EXOC6B: variants seen among roughly 807,000 people sequenced by gnomAD.
EXOC6B encodes exocyst complex component 6B.
In EXOC6B, 54 loss-of-function variants were observed where a neutral mutation model predicts 113.5. The observed-to-expected ratio is 0.48, with a 90% CI of 0.38 to 0.60. The LOEUF (loss-of-function observed/expected upper bound fraction) is 0.60. EXOC6B is among the 20% of genes least tolerant of loss of function. The pLI is 0.00. For synonymous variants in EXOC6B, 357 were observed against 339.0 expected (o/e 1.05, Z -0.58); for missense variants, 797 against 977.5 (o/e 0.82, Z 2.46).
At chr2:72,323,057 T>C (rs1687924680) in intron 20 of EXOC6B, among the ~76,000 whole-genome samples, 1 of 152,064 alleles carries the variant, frequency 6.6e-6, no homozygotes, top group African/African-American at 2.4e-5. Flanking sequence ...ACAGACAACC[T>C]ACAGAATGGG....
intron 20 of EXOC6B, among the ~76,000 whole-genome samples, chr2:72,304,865 G>A (rs1026243787): frequency 6.6e-6 from 1 of 152,188 alleles, no homozygotes; most frequent in Non-Finnish European, 1.5e-5. Context: ...TAAGATTGGG[G>A]CTAGGTTATT....
intron 6 of EXOC6B, among the ~76,000 whole-genome samples, chr2:72,648,093 A>G (rs1228610489): frequency 6.6e-6 from 1 of 152,212 alleles, no homozygotes; most frequent in African/African-American, 2.4e-5. Flanking sequence ...GAAAAAAGCA[A>G]ATAATCCCAT....
At chr2:72,468,547 G>A (rs1349958968) in intron 17 of EXOC6B, among the ~76,000 whole-genome samples, 6 of 152,090 alleles carry the variant, frequency 3.9e-5, no homozygotes, top group African/African-American at 1.2e-4. Flanking sequence ...TTATTATAAC[G>A]TGTAGTAGAT....
chr2:72,761,772 T>A (rs1331089870), intron 1 of EXOC6B, among the ~76,000 whole-genome samples: 1 of 152,068 alleles, frequency 6.6e-6, no homozygotes, highest in African/African-American at 2.4e-5. Flanking sequence ...GCCCATACTA[T>A]AATTAGTAAG....
chr2:72,725,819 T>C (rs919861517), intron 5 of EXOC6B, among the ~76,000 whole-genome samples: 14 of 152,130 alleles, frequency 9.2e-5, no homozygotes, highest in Non-Finnish European at 1.9e-4. Context: ...TGGTAAAACA[T>C]ACAGAGAGAC....
At chr2:72,262,084 A>G (rs1466929877) in intron 20 of EXOC6B, among the ~76,000 whole-genome samples, 1 of 152,168 alleles carries the variant, frequency 6.6e-6, no homozygotes, top group Non-Finnish European at 1.5e-5. Flanking sequence ...AAAATAACCT[A>G]TCAGTTAGAA....
chr2:72,351,374 T>C (rs544174050), intron 19 of EXOC6B, among the ~76,000 whole-genome samples: 4 of 152,320 alleles, frequency 2.6e-5, no homozygotes, highest in Middle Eastern at 6.8e-3. Flanking sequence ...ACTGAACTTC[T>C]CAGAGGAAGT....
At chr2:72,281,188 C>T (rs1000041372) in intron 20 of EXOC6B, among the ~76,000 whole-genome samples, 1 of 152,160 alleles carries the variant, frequency 6.6e-6, no homozygotes, top group Non-Finnish European at 1.5e-5. Context: ...ATTGCTGCTG[C>T]AGAACTACAA....
At chr2:72,316,823 G>A (rs1285148628) in intron 20 of EXOC6B, among the ~76,000 whole-genome samples, 1 of 152,162 alleles carries the variant, frequency 6.6e-6, no homozygotes, top group Non-Finnish European at 1.5e-5. Context: ...GACCCAAAGG[G>A]GGGACAATTA....
chr2:72,418,167 A>C (rs141100127), intron 18 of EXOC6B, among the ~76,000 whole-genome samples: 1 of 152,166 alleles, frequency 6.6e-6, no homozygotes, highest in East Asian at 1.9e-4. Flanking sequence ...TTACTCTGAA[A>C]TTTTAAATTC....
In EXOC6B at chr2:72,733,089, T is replaced by C. The variant is rs775851257; in HGVS notation, c.309A>G (p.Leu103=). ...GTCTTACTTCCTTTCCCTCATGTTG[T>C]AGTTTTCTATTAGTATCCGTCACTT... ...KNQVTDTNRK[L]QHEGKELVIA... Residue 103 remains leucine, a synonymous_variant, in exon 3 of 22, where the codon CTA becomes CTG. Transcript: ENST00000272427. The C allele has an allele frequency of 1.9e-6, 3 of 1,593,722 alleles. No individual in the cohort carries two copies. The highest frequency in any genetic ancestry group is 2.2e-5 in the East Asian group (1 of 44,518).
At chr2:72,372,279 A>G (rs529640044) in intron 19 of EXOC6B, among the ~76,000 whole-genome samples, 161 of 152,318 alleles carry the variant, frequency 1.1e-3, no homozygotes, top group African/African-American at 3.8e-3. Context: ...AATTCCCATC[A>G]AAGTACCAAT....
intron 20 of EXOC6B, among the ~76,000 whole-genome samples, chr2:72,326,941 TTAGCC>T (rs1163098517): frequency 6.6e-6 from 1 of 152,026 alleles, no homozygotes; most frequent in Non-Finnish European, 1.5e-5. Flanking sequence ...ATGGAAACTC[TTAGCC>T]TGGGAGGCCC....
chr2:72,520,938 C>G (rs1701450348), intron 8 of EXOC6B, among the ~76,000 whole-genome samples: 1 of 152,114 alleles, frequency 6.6e-6, no homozygotes, highest in Non-Finnish European at 1.5e-5. Flanking sequence ...TTCCCCAATT[C>G]CCCTTATCCC....
At chr2:72,517,251 G>A (rs972010192) in intron 8 of EXOC6B, among the ~76,000 whole-genome samples, 1 of 152,114 alleles carries the variant, frequency 6.6e-6, no homozygotes, top group Non-Finnish European at 1.5e-5. Context: ...TTATAATTTT[G>A]CACAGTTTTC....
chr2:72,459,156 C>T (rs367893265), intron 18 of EXOC6B, among the ~76,000 whole-genome samples: 2 of 152,068 alleles, frequency 1.3e-5, no homozygotes, highest in Non-Finnish European at 2.9e-5. Context: ...AATTCAACAA[C>T]CTTCATGCTA....
rs377738062 is a variant in EXOC6B at position 72,825,904 on chromosome 2, G to A, written c.7C>T (p.Arg3Trp). The A allele has an allele frequency of 8.1e-5, 130 of 1,612,556 alleles. 2 individuals carry two copies. The African/African-American group carries it at 1.2e-3, about 15-fold the overall frequency. The change falls in exon 1 of 22, where the codon CGG becomes TGG. Residue 3 changes from arginine to tryptophan, a missense_variant. Physicochemically the swap from Arg to Trp is moderately radical, Grantham distance 101. Coordinates refer to ENST00000272427, the MANE Select transcript of EXOC6B (RefSeq NM_015189.3). The surrounding 1 kb of genome is among the most constrained non-coding windows in gnomAD (Gnocchi z 4.4). Reference sequence around the variant, plus strand: ...CTCTCCGCCTCCGCCATCTTACCCCGCTCCATAGACTGGGGGCGCCCCGCA... The same window carrying A: ...CTCTCCGCCTCCGCCATCTTACCCCACTCCATAGACTGGGGGCGCCCCGCA... MERGKMAEAESLE... is the reference protein window; with the variant it reads MEWGKMAEAESLE...
At chr2:72,368,198 C>A (rs1415580907) in intron 19 of EXOC6B, among the ~76,000 whole-genome samples, 1 of 152,138 alleles carries the variant, frequency 6.6e-6, no homozygotes, top group Non-Finnish European at 1.5e-5. Flanking sequence ...ACTGATCCCA[C>A]AGAAATACAA....
At chr2:72,211,342 T>C (rs1223688538) in intron 20 of EXOC6B, among the ~76,000 whole-genome samples, 1 of 152,184 alleles carries the variant, frequency 6.6e-6, no homozygotes, top group Non-Finnish European at 1.5e-5. Flanking sequence ...TATTCTCCAA[T>C]GAGAGACTGA....
Sources: gnomAD v4.1 joint callset for allele counts (sites outside exome capture counted in the v4.1 genomes callset) on GRCh38, gnomAD v4.1.1 for gene constraint, Gnocchi (gnomAD v3.1) non-coding constraint, MANE v1.5 for transcripts, NCBI Gene and HGNC (gene_info 2026-07-23, HGNC 2026-07-21) for gene names.